Variants in COL22A1 observed in about 807,000 individuals in gnomAD.
COL22A1 encodes the protein collagen type XXII alpha 1 chain, also known as collagen alpha-1(XXII) chain.
Under a neutral mutation model 248.9 loss-of-function variants are expected in COL22A1, and 221 were observed. That is an observed-to-expected ratio of 0.89 (90% CI 0.80 to 0.99). COL22A1 has a LOEUF of 0.99. Ranked by LOEUF, COL22A1 falls within the 50% of genes least tolerant of loss-of-function variation. The pLI, the probability that COL22A1 is intolerant of heterozygous loss-of-function variation, is 0.00. For missense variants in COL22A1, 2,240 were observed against 2,179.0 expected, an observed-to-expected ratio of 1.03 and a Z score of -0.56; for synonymous variants, 891 against 793.4, an observed-to-expected ratio of 1.12 and a Z score of -2.07.
chr8:138,849,596 T>C (rs1232607527), intron 3 of COL22A1, among the ~76,000 whole-genome samples: 3 of 152,182 alleles, frequency 2.0e-5, no homozygotes, highest in South Asian at 2.1e-4. Flanking sequence ...ACCCAGCCAA[T>C]AGGGATTCAG....
At chr8:138,829,458 G>A (rs1819863317) in intron 5 of COL22A1, among the ~76,000 whole-genome samples, 1 of 124,308 alleles carries the variant, frequency 8.0e-6, no homozygotes. Flanking sequence ...CCAGGCTAGA[G>A]TGCAATGGCA....
chr8:138,749,307 G>A (rs1399798209), intron 22 of COL22A1, among the ~76,000 whole-genome samples: 1 of 152,176 alleles, frequency 6.6e-6, no homozygotes, highest in Non-Finnish European at 1.5e-5. Flanking sequence ...CTCTGGGCAA[G>A]ATGTTCCCTC....
chr8:138,884,658 T>A, intron 1 of COL22A1, among the ~76,000 whole-genome samples: 1 of 152,108 alleles, frequency 6.6e-6, no homozygotes, highest in South Asian at 2.1e-4. Context: ...CAGAGAACCA[T>A]GAAATGACAT....
At chr8:138,820,437 G>T (rs1819015651) in intron 7 of COL22A1, among the ~76,000 whole-genome samples, 1 of 152,006 alleles carries the variant, frequency 6.6e-6, no homozygotes, top group Admixed American at 6.6e-5. Flanking sequence ...ACAGATGTGG[G>T]TATGTATTTC....
At chr8:138,651,609 T>C (rs998042915) in intron 45 of COL22A1, among the ~76,000 whole-genome samples, 10 of 152,244 alleles carry the variant, frequency 6.6e-5, no homozygotes, top group African/African-American at 1.9e-4. Flanking sequence ...TTTTGATAAC[T>C]GTACTTTGCT....
Position 138,877,770 on chromosome 8 carries a change from A to G in COL22A1, c.638T>C (p.Leu213Pro). The G allele has an allele frequency of 6.3e-7, 1 of 1,595,204 alleles. No homozygotes were observed. Among genetic ancestry groups the G allele is most frequent in the South Asian group, 1.1e-5 (1 of 88,334 alleles). The part of the protein sequence containing the change: ...FNAIDKIRGK[L>P]RRRLCENVLC... The stretch of plus-strand genomic sequence containing the variant: ...CTCACTTTCACAAAGACGGCGCCGC[A>G]GCTTGCCCCGGATCTTGTCGATGGC... Residue 213 changes from leucine to proline, a missense_variant, in exon 3 of 65, where the codon CTG (leucine) becomes CCG (proline). Transcript: ENST00000303045.
At chr8:138,865,208 A>C (rs1191043224) in intron 3 of COL22A1, among the ~76,000 whole-genome samples, 1 of 152,192 alleles carries the variant, frequency 6.6e-6, no homozygotes, top group Non-Finnish European at 1.5e-5. Context: ...AAGTACACGT[A>C]GATTGTTCCA....
chr8:138,663,806 T>A, intron 41 of COL22A1, 66 bp from the exon 42 acceptor site: 1 of 1,255,680 alleles, frequency 8.0e-7, no homozygotes. Flanking sequence ...CAAGCTATGG[T>A]GTTTATTCCA....
At chr8:138,796,389 CTTTTTTTTTT>C (rs11284610) in intron 12 of COL22A1, among the ~76,000 whole-genome samples, 6 of 26,308 alleles carry the variant, frequency 2.3e-4, no homozygotes, top group African/African-American at 6.7e-4. Context: ...TGCTACTTTC[CTTTTTTTTTT>C]TTTTTTTTTT....
rs761738383 is a variant in COL22A1 at position 138,807,783 on chromosome 8, C to A, written c.1479G>T (p.Gly493=). ...KGEMGVAGPM[G]LPGPKGDIGA... The stretch of plus-strand genomic sequence containing the variant: ...CTGTACTGACCTTTGGACCAGGGAG[C>A]CCCATGGGGCCAGCAACTCCCATTT... The change falls in exon 10 of 65, where the codon GGG becomes GGT. Residue 493 remains glycine, a synonymous_variant. Coordinates refer to ENST00000303045, the MANE Select transcript of COL22A1 (RefSeq NM_152888.3). 1.3e-5 allele frequency: 21 copies of A among 1,613,836 alleles called. No individual in the cohort carries two copies. Among genetic ancestry groups the A allele is most frequent in the Non-Finnish European group, 1.7e-5 (20 of 1,179,914 alleles).
chr8:138,776,956 C>T (rs1814519760), intron 15 of COL22A1, among the ~76,000 whole-genome samples: 2 of 152,222 alleles, frequency 1.3e-5, no homozygotes, highest in Admixed American at 1.3e-4. Context: ...CTGCTCTTCC[C>T]AGGTGCACAG....
At chr8:138,702,603 C>T (rs1828054891) in intron 31 of COL22A1, among the ~76,000 whole-genome samples, 2 of 138,732 alleles carry the variant, frequency 1.4e-5, no homozygotes, top group Non-Finnish European at 3.1e-5. Flanking sequence ...GAGGAAGAAA[C>T]ATTAAAGTGG....
intron 40 of COL22A1, 138 bp from the exon 41 acceptor site, chr8:138,676,773 T>A: frequency 1.6e-6 from 1 of 636,804 alleles, no homozygotes. Flanking sequence ...CATGCTATAG[T>A]CTACCCAGGC....
At chr8:138,697,168 C>T (rs1468045376) in intron 32 of COL22A1, among the ~76,000 whole-genome samples, 1 of 152,128 alleles carries the variant, frequency 6.6e-6, no homozygotes, top group Non-Finnish European at 1.5e-5. Flanking sequence ...TCCAGGGGCC[C>T]CCTGGAAGGG....
intron 22 of COL22A1, among the ~76,000 whole-genome samples, chr8:138,743,892 A>G (rs1831899039): frequency 6.6e-6 from 1 of 152,200 alleles, no homozygotes. Flanking sequence ...TCTCCCAGCC[A>G]GGATGAGTTA....
intron 4 of COL22A1, among the ~76,000 whole-genome samples, chr8:138,833,389 T>A (rs1057404521): frequency 6.6e-6 from 1 of 152,192 alleles, no homozygotes; most frequent in Non-Finnish European, 1.5e-5. Flanking sequence ...ACTGGCTTTC[T>A]CAAGAAAATG....
intron 1 of COL22A1, among the ~76,000 whole-genome samples, chr8:138,903,144 G>T (rs768852022): frequency 1.3e-4 from 20 of 152,170 alleles, no homozygotes; most frequent in Non-Finnish European, 1.9e-4. Context: ...CAAATATGGA[G>T]CAGGGACATG....
intron 62 of COL22A1, among the ~76,000 whole-genome samples, chr8:138,596,171 G>C (rs961780808): frequency 6.6e-6 from 1 of 152,210 alleles, no homozygotes. Flanking sequence ...ATGTTGGCAC[G>C]ATTACTACTA....
chr8:138,724,500 A>C (rs1830146108), intron 25 of COL22A1, 115 bp downstream of exon 25: 15 of 989,226 alleles, frequency 1.5e-5, no homozygotes, highest in Non-Finnish European at 2.3e-5. Flanking sequence ...CTTGCTGGCC[A>C]AGGAGTCCTC....
Sources: allele counts gnomAD v4.1 joint callset (sites outside exome capture counted in the v4.1 genomes callset), GRCh38; gene constraint gnomAD v4.1.1; transcripts MANE v1.5; gene names NCBI Gene and HGNC (gene_info 2026-07-23, HGNC 2026-07-21).